ADAMTS5: variants seen among roughly 807,000 people sequenced by gnomAD.
The protein encoded by ADAMTS5 is A disintegrin and metalloproteinase with thrombospondin motifs 5.
A neutral mutation model predicts 81.4 loss-of-function variants in ADAMTS5; 54 were observed. The observed-to-expected ratio is 0.66, with a 90% CI of 0.53 to 0.83. The LOEUF is 0.83. ADAMTS5 is among the 40% of genes least tolerant of loss of function. The pLI is 0.00. For missense variants in ADAMTS5, 1,194 were observed against 1,229.9 expected, an observed-to-expected ratio of 0.97 and a Z score of 0.44; for synonymous variants, 532 against 508.8, an observed-to-expected ratio of 1.05 and a Z score of -0.61.
At chr21:26,960,872 A>T (rs1373834162) in intron 1 of ADAMTS5, among the ~76,000 whole-genome samples, 1 of 152,154 alleles carries the variant, frequency 6.6e-6, no homozygotes, top group Non-Finnish European at 1.5e-5. Flanking sequence ...CTCCTTACGT[A>T]TCTGGCTAAC....
Position 26,924,071 on chromosome 21 carries a change from G to A in ADAMTS5, c.2775C>T (p.Cys925=). The part of the protein sequence containing the change: ...LSQRPSAFKQ[C]LLKKC ...CCACAGGCTAACATTTCTTCAACAA[G>A]CATTGCTTAAACGCAGAAGGCCTTT... Residue 925 remains cysteine, a synonymous_variant, in exon 8 of 8, where the codon TGC becomes TGT. Transcript: ENST00000284987. 1 of 1,597,186 alleles carries A rather than the reference G, an allele frequency of 6.3e-7. No homozygotes were observed. The highest frequency in any genetic ancestry group is 8.6e-7 in the Non-Finnish European group (1 of 1,166,720).
chr21:26,932,136 A>G lies in ADAMTS5; in HGVS notation c.1917T>C (p.Tyr639=), dbSNP rs947264755. Residue 639 remains tyrosine (Y), a synonymous_variant, in exon 6 of 8, where the codon TAT becomes TAC. Coordinates refer to ENST00000284987, the MANE Select transcript of ADAMTS5 (RefSeq NM_007038.5). ...RHEQCEAKNG[Y]QSDAKGVKTF... ...TTTTGACTCCTTTTGCATCAGACTG[A>G]TAGCCATTTTTGGCCTCACACTGTT... 1 of 1,614,180 alleles carries G rather than the reference A, an allele frequency of 6.2e-7. No homozygotes were observed. The highest frequency in any genetic ancestry group is 1.3e-5 in the African/African-American group (1 of 75,068).
Position 26,932,125 on chromosome 21 carries a change from G to T in ADAMTS5, c.1928C>A (p.Ala643Glu), listed in dbSNP as rs759030833. 1.2e-6 allele frequency: 2 copies of T among 1,614,200 alleles called. 1 individual carries two copies. The highest frequency in any genetic ancestry group is 2.2e-5 in the South Asian group (2 of 91,086). ...TTCCACAAAAGTTTTGACTCCTTTTGCATCAGACTGATAGCCATTTTTGGC... is the reference window on the plus strand; with the variant it reads ...TTCCACAAAAGTTTTGACTCCTTTTTCATCAGACTGATAGCCATTTTTGGC... ...CEAKNGYQSDAKGVKTFVEWV... is the reference protein window; with the variant it reads ...CEAKNGYQSDEKGVKTFVEWV... The change falls in exon 6 of 8, where the codon GCA (alanine) becomes GAA (glutamate). Residue 643 changes from alanine to glutamate, a missense_variant. This residue lies in a region of ADAMTS5 where 696 missense variants were observed against 817.6 expected (regional missense o/e 0.85). Coordinates refer to ENST00000284987, the MANE Select transcript of ADAMTS5 (RefSeq NM_007038.5).
At chr21:26,930,658 G>A (rs758005133) in intron 6 of ADAMTS5, among the ~76,000 whole-genome samples, 7 of 152,104 alleles carry the variant, frequency 4.6e-5, no homozygotes, top group Non-Finnish European at 8.8e-5. Flanking sequence ...TTGAATAAAC[G>A]GATTAGTGTA....
intron 1 of ADAMTS5, 57 bp downstream of exon 1, chr21:26,965,231 C>T: frequency 6.5e-7 from 1 of 1,548,804 alleles, no homozygotes. Context: ...AGCAAGATTC[C>T]CTTCTACCTA....
rs781047947 is a variant in ADAMTS5 at position 26,966,139 on chromosome 21, C to G, written c.253G>C (p.Gly85Arg). The change falls in exon 1 of 8, where the codon GGC becomes CGC. Residue 85 changes from glycine to arginine, a missense_variant. Physicochemically the swap from Gly to Arg is moderately radical, Grantham distance 125. Around this residue, in one of 2 missense-constraint regions of ADAMTS5, gnomAD observed 498 missense variants for 412.3 expected, o/e 1.21. Coordinates refer to ENST00000284987, the MANE Select transcript of ADAMTS5 (RefSeq NM_007038.5). ...GCGTAGACGAGGTAGCCCACCTTGCCGCCGCCGGAGTAGAGTTGGTCGATG... is the reference window on the plus strand; with the variant it reads ...GCGTAGACGAGGTAGCCCACCTTGCGGCCGCCGGAGTAGAGTTGGTCGATG... ...QNIDQLYSGG[G>R]KVGYLVYAGG... 1.2e-6 allele frequency: 2 copies of G among 1,611,760 alleles called. No individual in the cohort carries two copies. The highest frequency in any genetic ancestry group is 1.1e-5 in the South Asian group (1 of 90,970).
chr21:26,964,080 T>A (rs1987585808), intron 1 of ADAMTS5, among the ~76,000 whole-genome samples: 1 of 152,218 alleles, frequency 6.6e-6, no homozygotes, highest in Non-Finnish European at 1.5e-5. Context: ...CCTATCCTTG[T>A]TCTGTTTGCT....
At position 26,924,106 on chromosome 21, in the gene ADAMTS5, G is replaced by A. The variant is rs763335986; in HGVS notation, c.2740C>T (p.Pro914Ser). 21 of 1,611,712 alleles carry A rather than the reference G, an allele frequency of 1.3e-5. No homozygotes were observed. Among genetic ancestry groups the A allele is most frequent in the Non-Finnish European group, 1.7e-5 (20 of 1,178,054 alleles). The change falls in exon 8 of 8, where the codon CCT becomes TCT. Residue 914 changes from proline (P) to serine (S), a missense_variant. Physicochemically the swap from Pro to Ser is moderately conservative, Grantham distance 74. Around this residue, in one of 2 missense-constraint regions of ADAMTS5, gnomAD observed 696 missense variants for 817.6 expected, o/e 0.85. Transcript: ENST00000284987. ...AACGCAGAAGGCCTTTGGGAGAGAG[G>A]ACATCCTTTTGCTAACTTCCGGTTT... ...DGNRKLAKGCPLSQRPSAFKQ... is the reference protein window; with the variant it reads ...DGNRKLAKGCSLSQRPSAFKQ...
At chr21:26,952,289 C>T (rs1194282760) in intron 2 of ADAMTS5, among the ~76,000 whole-genome samples, 2 of 152,206 alleles carry the variant, frequency 1.3e-5, no homozygotes, top group Non-Finnish European at 2.9e-5. Flanking sequence ...TACGTTGTTT[C>T]CTTGTATAAC....
chr21:26,942,526 T>C (rs1285114956), intron 3 of ADAMTS5, among the ~76,000 whole-genome samples: 1 of 152,216 alleles, frequency 6.6e-6, no homozygotes, highest in Non-Finnish European at 1.5e-5. Context: ...TTCAGCTACA[T>C]AATGTCTGAT....
In ADAMTS5 at chr21:26,960,409, A is replaced by G. The variant is rs146345450; in HGVS notation, c.1104+4879T>C. Among the ~76,000 whole-genome samples the G allele has an allele frequency of 9.1e-4, 138 of 152,328 alleles. 1 individual carries two copies. The highest frequency in any genetic ancestry group is 3.3e-3 in the African/African-American group (138 of 41,574). ...AGTAGACTGAATTGTGTCCTCTCCA[A>G]ACTCATCTATTTGGAGATAGGGCCT... On this transcript the variant is annotated intron_variant, in intron 1 of 7. Transcript: ENST00000284987.
chr21:26,956,986 A>C (rs1455209600), intron 1 of ADAMTS5, among the ~76,000 whole-genome samples: 1 of 152,226 alleles, frequency 6.6e-6, no homozygotes, highest in Non-Finnish European at 1.5e-5. Context: ...CACACTGATT[A>C]AACTCCTTGA....
At chr21:26,954,607 A>T in intron 2 of ADAMTS5, 132 bp downstream of exon 2, 1 of 1,372,026 alleles carries the variant, frequency 7.3e-7, no homozygotes, top group Non-Finnish European at 9.9e-7. Context: ...AAGTGCAGAT[A>T]TAAACAAATT....
At chr21:26,924,729 GTCTTC>G (rs1481746162) in intron 7 of ADAMTS5, 109 bp from the exon 8 acceptor site, 3 of 953,546 alleles carry the variant, frequency 3.1e-6, no homozygotes, top group African/African-American at 1.6e-5. Flanking sequence ...TCTCTAAAAA[GTCTTC>G]TCTTAACACA....
chr21:26,950,898 C>G (rs1480509395), intron 2 of ADAMTS5, among the ~76,000 whole-genome samples: 3 of 152,014 alleles, frequency 2.0e-5, no homozygotes, highest in South Asian at 4.2e-4. Context: ...CTCTGTCACC[C>G]AGGCTGGAGT....
intron 2 of ADAMTS5, among the ~76,000 whole-genome samples, chr21:26,944,674 C>G (rs1233085486): frequency 2.0e-5 from 3 of 152,134 alleles, no homozygotes; most frequent in African/African-American, 7.2e-5. Flanking sequence ...CTGTAGCAAA[C>G]TGATGACTAC....
chr21:26,943,086 A>G (rs1987143746), intron 3 of ADAMTS5, among the ~76,000 whole-genome samples: 1 of 152,204 alleles, frequency 6.6e-6, no homozygotes, highest in Non-Finnish European at 1.5e-5. Flanking sequence ...TGGTAAAAGA[A>G]GGAATAAAAG....
chr21:26,956,518 T>C (rs1478163701), intron 1 of ADAMTS5, among the ~76,000 whole-genome samples: 2 of 152,176 alleles, frequency 1.3e-5, no homozygotes, highest in Non-Finnish European at 2.9e-5. Flanking sequence ...CACTTTTGCA[T>C]AATAATCAGT....
chr21:26,941,114 C>T (rs917741127), intron 3 of ADAMTS5, among the ~76,000 whole-genome samples: 3 of 151,864 alleles, frequency 2.0e-5, no homozygotes, highest in African/African-American at 7.3e-5. Context: ...TTATAAGCTA[C>T]TGATAAAATA....
Sources: allele counts gnomAD v4.1 joint callset (sites outside exome capture counted in the v4.1 genomes callset), GRCh38; gene constraint gnomAD v4.1.1; regional missense constraint gnomAD v4.1.1; transcripts MANE v1.5; gene names NCBI Gene and HGNC (gene_info 2026-07-23, HGNC 2026-07-21).